MRTFA: variants seen among roughly 807,000 people sequenced by gnomAD.
The protein encoded by MRTFA is myocardin related transcription factor A.
A neutral mutation model predicts 83.5 loss-of-function variants in MRTFA; 20 were observed. That is an observed-to-expected ratio of 0.24 (90% CI 0.17 to 0.35). The LOEUF (loss-of-function observed/expected upper bound fraction) is 0.35, where lower values mean the gene tolerates loss of function less well. MRTFA is among the 10% of genes least tolerant of loss of function. The probability of loss-of-function intolerance (pLI) is 1.00; values close to 1 mark genes in which losing one functional copy is unlikely to be tolerated. For missense variants in MRTFA, 1,200 were observed against 1,224.7 expected (o/e 0.98, Z 0.30); for synonymous variants, 659 against 541.2 (o/e 1.22, Z -3.02).
intron 2 of MRTFA, among the ~76,000 whole-genome samples, chr22:40,590,858 G>A (rs1056367640): frequency 6.6e-6 from 1 of 151,962 alleles, no homozygotes; most frequent in African/African-American, 2.4e-5. Flanking sequence ...TAGCAGCTGG[G>A]CACGGTGGCT....
At chr22:40,629,607 AT>A (rs1030485968) in intron 1 of MRTFA, among the ~76,000 whole-genome samples, 15 of 150,870 alleles carry the variant, frequency 9.9e-5, no homozygotes, top group African/African-American at 2.4e-5. Context: ...ACTAAAAAAA[AT>A]ATATACATAT....
At chr22:40,509,977 T>A (rs1602359226) in intron 3 of MRTFA, among the ~76,000 whole-genome samples, 2 of 36,216 alleles carry the variant, frequency 5.5e-5, no homozygotes, top group African/African-American at 1.1e-4. Context: ...AGCAGCCAAG[T>A]ACTTTAAAAA....
In MRTFA at chr22:40,590,107, T is replaced by C. The variant is rs560934774; in HGVS notation, c.-22+4567A>G. 2.6e-5 allele frequency among the ~76,000 whole-genome samples: 4 copies of C among 152,194 alleles called. 1 individual carries two copies. Among genetic ancestry groups the C allele is most frequent in the African/African-American group, 4.8e-5 (2 of 41,428 alleles). On this transcript the variant is annotated intron_variant, in intron 2 of 14. Transcript: ENST00000355630. The stretch of plus-strand genomic sequence containing the variant: ...TCATTTTTTTGCATTTTTTGCATAC[T>C]GTCTTCCACATAATACTCAATTTTT...
At chr22:40,431,573 G>C (rs2053069900) in intron 5 of MRTFA, 93 bp from the exon 6 acceptor site, 3 of 1,172,610 alleles carry the variant, frequency 2.6e-6, no homozygotes, top group Middle Eastern at 2.3e-4. Flanking sequence ...CATGGTAGCT[G>C]CTGACCACCT....
chr22:40,473,315 A>T (rs1426440384), intron 3 of MRTFA, among the ~76,000 whole-genome samples: 1 of 152,026 alleles, frequency 6.6e-6, no homozygotes, highest in African/African-American at 2.4e-5. Flanking sequence ...TTGTACCACC[A>T]CACCCAGCTA....
intron 2 of MRTFA, among the ~76,000 whole-genome samples, chr22:40,571,082 G>A (rs771514226): frequency 1.6e-4 from 24 of 146,898 alleles, no homozygotes; most frequent in Admixed American, 1.2e-3. Context: ...GGTGGTGTGC[G>A]CCTGTAGTCC....
At chr22:40,536,000 A>T (rs1167599909) in intron 3 of MRTFA, among the ~76,000 whole-genome samples, 1 of 152,166 alleles carries the variant, frequency 6.6e-6, no homozygotes, top group East Asian at 1.9e-4. Context: ...AAAGAAAAAC[A>T]ATTTTTTAAA....
At chr22:40,556,045 T>C (rs1409639581) in intron 2 of MRTFA, among the ~76,000 whole-genome samples, 1 of 152,118 alleles carries the variant, frequency 6.6e-6, no homozygotes, top group Admixed American at 6.6e-5. Flanking sequence ...ATTAAAATAT[T>C]ATACAAAGAA....
chr22:40,527,365 C>A (rs1229456293), intron 3 of MRTFA, among the ~76,000 whole-genome samples: 1 of 151,500 alleles, frequency 6.6e-6, no homozygotes, highest in Non-Finnish European at 1.5e-5. Flanking sequence ...TTGACGAGTG[C>A]AAGGCAAAGA....
chr22:40,434,201 C>T (rs908124449), intron 5 of MRTFA, among the ~76,000 whole-genome samples: 2 of 152,098 alleles, frequency 1.3e-5, no homozygotes, highest in East Asian at 1.9e-4. Flanking sequence ...GTCTTCTGAC[C>T]GAATAGGCGC....
chr22:40,441,504 G>A (rs145696031), intron 4 of MRTFA, among the ~76,000 whole-genome samples: 168 of 152,250 alleles, frequency 1.1e-3, no homozygotes, highest in African/African-American at 3.4e-3. Flanking sequence ...TGGCATCCAG[G>A]CTGGGCGCAG....
chr22:40,633,276 T>G (rs1281027729), intron 1 of MRTFA, among the ~76,000 whole-genome samples: 1 of 152,214 alleles, frequency 6.6e-6, no homozygotes, highest in Non-Finnish European at 1.5e-5. Context: ...TCATCTTATA[T>G]TCAAGAAATA....
At chr22:40,556,747 G>GA (rs552732688) in intron 2 of MRTFA, among the ~76,000 whole-genome samples, 2 of 152,118 alleles carry the variant, frequency 1.3e-5, no homozygotes, top group East Asian at 3.9e-4. Context: ...TGTGTACTGG[G>GA]AAAAAAACAA....
At chr22:40,427,681 A>G (rs2052983989) in intron 7 of MRTFA, among the ~76,000 whole-genome samples, 1 of 152,178 alleles carries the variant, frequency 6.6e-6, no homozygotes, top group Non-Finnish European at 1.5e-5. Flanking sequence ...AAACCCTTGG[A>G]ATTTCCTTAA....
At chr22:40,561,700 TATAAC>T in intron 2 of MRTFA, among the ~76,000 whole-genome samples, 1 of 152,146 alleles carries the variant, frequency 6.6e-6, no homozygotes, top group Admixed American at 6.5e-5. Context: ...AACAGAAAAA[TATAAC>T]AAAACAATGG....
At chr22:40,462,605 A>G (rs893179070) in intron 4 of MRTFA, among the ~76,000 whole-genome samples, 2 of 152,208 alleles carry the variant, frequency 1.3e-5, no homozygotes, top group South Asian at 4.1e-4. Flanking sequence ...TTGGTATTAA[A>G]GGCAAATTTC....
intron 3 of MRTFA, among the ~76,000 whole-genome samples, chr22:40,493,255 C>G (rs1179478907): frequency 1.3e-5 from 2 of 152,208 alleles, no homozygotes; most frequent in Non-Finnish European, 2.9e-5. Flanking sequence ...GCTGACAGCA[C>G]AGCTGGAACC....
chr22:40,558,624 T>C (rs969663465), intron 2 of MRTFA, among the ~76,000 whole-genome samples: 1 of 152,086 alleles, frequency 6.6e-6, no homozygotes, highest in Non-Finnish European at 1.5e-5. Flanking sequence ...TTTGTGATGC[T>C]CTTATGCATT....
chr22:40,411,784 G>T lies in MRTFA; in HGVS notation c.2702C>A (p.Ala901Asp). 7.8e-6 allele frequency: 12 copies of T among 1,533,996 alleles called. No homozygotes were observed. Among genetic ancestry groups the T allele is most frequent in the Non-Finnish European group, 1.1e-5 (12 of 1,135,144 alleles). ...GGAGGGTGAGCCTGGAGGAGGTGGG[G>T]CAGCCTGGGGGAGCTCAGCAGAAGG... The change falls in exon 15 of 15, where the codon GCC becomes GAC. Residue 901 changes from alanine (A) to aspartate (D), a missense_variant. Around this residue, in one of 2 missense-constraint regions of MRTFA, gnomAD observed 1,107 missense variants for 1,041.8 expected, o/e 1.06. Transcript: ENST00000355630.
Sources: gnomAD v4.1 joint callset for allele counts (sites outside exome capture counted in the v4.1 genomes callset) on GRCh38, gnomAD v4.1.1 for gene constraint, gnomAD v4.1.1 regional missense constraint, MANE v1.5 for transcripts, NCBI Gene and HGNC (gene_info 2026-07-23, HGNC 2026-07-21) for gene names.